Variants in TBATA observed in about 807,000 individuals in gnomAD.
TBATA encodes the protein thymus, brain and testes associated.
Under a neutral mutation model 38.7 loss-of-function variants are expected in TBATA, and 47 were observed. The observed-to-expected ratio is 1.21, with a 90% CI of 0.96 to 1.55. The LOEUF is 1.55. Ranked by LOEUF, TBATA falls within the 40% of genes most tolerant of loss-of-function variation. The pLI, the probability that TBATA is intolerant of heterozygous loss-of-function variation, is 0.00. For missense variants in TBATA, 436 were observed against 435.6 expected (o/e 1.00, Z -0.01); for synonymous variants, 183 against 170.5 (o/e 1.07, Z -0.57).
Position 70,771,263 on chromosome 10 carries a change from T to A in TBATA, c.*113A>T. On this transcript the variant is annotated 3_prime_UTR_variant, in exon 11 of 11. Transcript: ENST00000456372. ...TCTCAGGGAAGACGGTTTTATTTAG[T>A]AAGAGTTTTCACGGTAGGGAATCAG... The A allele has an allele frequency of 6.2e-7, 1 of 1,604,764 alleles. No homozygotes were observed. Among genetic ancestry groups the A allele is most frequent in the Non-Finnish European group, 8.5e-7 (1 of 1,174,092 alleles).
Position 70,774,373 on chromosome 10 carries a change from G to T in TBATA, c.776-16C>A. The T allele has an allele frequency of 6.4e-7, 1 of 1,572,590 alleles. No homozygotes were observed. The highest frequency in any genetic ancestry group is 8.6e-7 in the Non-Finnish European group (1 of 1,159,094). ...AGGTCTTTTTCTGAAAGCACAGCCCGGGGGCAGTGTCCTCAGCCCCCAGCC... is the reference window on the plus strand; with the variant it reads ...AGGTCTTTTTCTGAAAGCACAGCCCTGGGGCAGTGTCCTCAGCCCCCAGCC... On this transcript the variant is annotated splice_polypyrimidine_tract_variant and intron_variant, in intron 8 of 10. Transcript: ENST00000456372.
In TBATA at chr10:70,772,544, T is replaced by C. The variant is rs143899859; in HGVS notation, c.943A>G (p.Ile315Val). 3.3e-3 allele frequency: 5,382 copies of C among 1,614,146 alleles called. 13 individuals are homozygous for C. The highest frequency in any genetic ancestry group is 4.3e-3 in the Non-Finnish European group (5,023 of 1,180,016). The change falls in exon 10 of 11, where the codon ATA (isoleucine) becomes GTA (valine). Residue 315 changes from isoleucine (I) to valine (V), a missense_variant. Transcript: ENST00000456372. ...TTTTCGCTTTTTGTAAAAGGTGATA[T>C]CTTCGTTTTCTTCGGGGATTGACTG... ...PCSQSPKKTK[I>V]SPFTKSEKPE...
chr10:70,772,015 C>G (rs1282235794), intron 10 of TBATA, among the ~76,000 whole-genome samples: 1 of 152,156 alleles, frequency 6.6e-6, no homozygotes, highest in Non-Finnish European at 1.5e-5. Context: ...TACCACTGTC[C>G]CCCACCCAGA....
chr10:70,775,391 G>T, intron 7 of TBATA, 121 bp from the exon 8 acceptor site: 1 of 736,568 alleles, frequency 1.4e-6, no homozygotes, highest in Non-Finnish European at 2.4e-6. Context: ...GGCGCCTGCT[G>T]GGCTAAACGT....
chr10:70,776,274 C>A (rs749289445), intron 7 of TBATA: 169 of 451,984 alleles, frequency 3.7e-4, no homozygotes, highest in Non-Finnish European at 6.0e-4. Context: ...GCTGTGCTGA[C>A]CCACCCTGAC....
intron 10 of TBATA, 197 bp downstream of exon 10, chr10:70,772,317 G>T (rs766548275): frequency 3.1e-5 from 22 of 720,516 alleles, no homozygotes; most frequent in African/African-American, 8.7e-5. Flanking sequence ...CTTCCTCACT[G>T]ATCCCCAGAG....
At chr10:70,771,838 A>T (rs1842823011) in intron 10 of TBATA, among the ~76,000 whole-genome samples, 1 of 152,062 alleles carries the variant, frequency 6.6e-6, no homozygotes, top group Admixed American at 6.5e-5. Context: ...GGATGACTGC[A>T]GCAGCCTCTC....
rs138083815 is a variant in TBATA at position 70,777,109 on chromosome 10, T to C, written c.693+44A>G. The C allele has an allele frequency of 6.4e-4, 1,015 of 1,596,364 alleles. 9 individuals are homozygous for C. In the African/African-American group the frequency reaches 0.012, roughly 19 times the overall value. The stretch of plus-strand genomic sequence containing the variant: ...GCCCTAAAGCGGTTTGTAAGACCCC[T>C]AATGTGGAGAGCCAGGAGCCTGGGA... On this transcript the variant is annotated intron_variant, in intron 7 of 10. Transcript: ENST00000456372.
rs1207091916 is a variant in TBATA at position 70,775,872 on chromosome 10, C to G, written c.694-602G>C. Among the ~76,000 whole-genome samples, 4 of 152,346 alleles carry G rather than the reference C, an allele frequency of 2.6e-5. No homozygotes were observed. In the East Asian group the frequency reaches 7.7e-4, roughly 29 times the overall value. ...TCAGCACCGGCTCCCTCCTGCAGAG[C>G]TGTGGGCATGCTTGGCTCCTTGCTG... On this transcript the variant is annotated intron_variant, in intron 7 of 10. Transcript: ENST00000456372.
intron 6 of TBATA, chr10:70,777,816 G>C: frequency 2.2e-6 from 1 of 455,382 alleles, no homozygotes; most frequent in Non-Finnish European, 4.4e-6. Context: ...CTGGTGCCTG[G>C]GGCCTCCTGC....
At chr10:70,783,956 G>T (rs1332826358) in intron 2 of TBATA, among the ~76,000 whole-genome samples, 4 of 152,190 alleles carry the variant, frequency 2.6e-5, no homozygotes, top group African/African-American at 9.7e-5. Context: ...CAATACAATT[G>T]TTGTCATCCA....
intron 8 of TBATA, 45 bp downstream of exon 8, chr10:70,775,144 C>T: frequency 6.4e-7 from 1 of 1,568,078 alleles, no homozygotes; most frequent in Non-Finnish European, 8.8e-7. Flanking sequence ...AGGGCAGGAC[C>T]TTGGCAGCCT....
rs768147593 is a variant in TBATA at position 70,781,926 on chromosome 10, C to T, written c.152G>A (p.Arg51Gln). The T allele has an allele frequency of 2.6e-5, 42 of 1,614,104 alleles. No homozygotes were observed. Among genetic ancestry groups the T allele is most frequent in the East Asian group, 8.9e-5 (4 of 44,886 alleles). Residue 51 changes from arginine (R) to glutamine (Q), a missense_variant, in exon 4 of 11, where the codon CGG becomes CAG. Physicochemically the swap from Arg to Gln is conservative, Grantham distance 43. Coordinates refer to ENST00000456372, the MANE Select transcript of TBATA (RefSeq NM_001318241.2). Reference protein sequence around the residue: ...LVIPGIVDFERIRRALRTPKP... With the variant: ...LVIPGIVDFEQIRRALRTPKP... ...TGGGGTCCTCAATGCCCGGCGGATC[C>T]GCTCGAAATCCACAATCCCTGGGAT...
At chr10:70,772,938 A>G (rs1842936464) in intron 9 of TBATA, among the ~76,000 whole-genome samples, 1 of 152,164 alleles carries the variant, frequency 6.6e-6, no homozygotes. Context: ...AGTGGGCAAG[A>G]CAAGAACCCT....
intron 9 of TBATA, 118 bp downstream of exon 9, chr10:70,774,095 A>G (rs936754468): frequency 5.1e-6 from 7 of 1,374,204 alleles, no homozygotes; most frequent in Admixed American, 4.6e-5. Context: ...CTCTGCCTCC[A>G]GGACAGACTT....
chr10:70,781,997 G>A lies in TBATA; in HGVS notation c.81C>T (p.Arg27=). ...AELKLEKKSG[R]KPRSPRDSGP... ...CACTGTCCCTGGGGCTCCTTGGCTT[G>A]CGCCCTGACTTCTTCTCCAGTTTCA... The change falls in exon 4 of 11, where the codon CGC becomes CGT. Residue 27 remains arginine, a synonymous_variant. Coordinates refer to ENST00000456372, the MANE Select transcript of TBATA (RefSeq NM_001318241.2). 6.2e-7 allele frequency: 1 copy of A among 1,614,246 alleles called. No individual in the cohort carries two copies. The highest frequency in any genetic ancestry group is 8.5e-7 in the Non-Finnish European group (1 of 1,180,038).
Position 70,782,056 on chromosome 10 carries a change from G to C in TBATA, c.42-20C>G. On this transcript the variant is annotated intron_variant, in intron 3 of 10. Coordinates refer to ENST00000456372, the MANE Select transcript of TBATA (RefSeq NM_001318241.2). The stretch of plus-strand genomic sequence containing the variant: ...TTTGGACTGAAGGAGGGGGTTTCAG[G>C]AGAAGCTAATGGAGTCTCCTCTGGC... 2 of 1,612,956 alleles carry C rather than the reference G, an allele frequency of 1.2e-6. No individual in the cohort carries two copies. Among genetic ancestry groups the C allele is most frequent in the Non-Finnish European group, 1.7e-6 (2 of 1,179,362 alleles).
rs563293225 is a variant in TBATA, at chr10:70,784,993, T to C, written c.-273-220A>G. Among the ~76,000 whole-genome samples, 4 of 150,648 alleles carry C rather than the reference T, an allele frequency of 2.7e-5. No homozygotes were observed. The South Asian group carries it at 8.4e-4, about 32-fold the overall frequency. ...GTTTTTATTTCTTAAATGTTAGATA[T>C]GATCCATTTAAATTGATCTAATAAG... On this transcript the variant is annotated intron_variant, in intron 1 of 10. Coordinates refer to ENST00000456372, the MANE Select transcript of TBATA (RefSeq NM_001318241.2).
intron 2 of TBATA, among the ~76,000 whole-genome samples, chr10:70,783,798 A>G (rs1844556638): frequency 6.6e-6 from 1 of 152,236 alleles, no homozygotes; most frequent in African/African-American, 2.4e-5. Flanking sequence ...TACATGTAAC[A>G]ACATGGATGA....
Sources: gnomAD v4.1 joint callset for allele counts (sites outside exome capture counted in the v4.1 genomes callset) on GRCh38, gnomAD v4.1.1 for gene constraint, MANE v1.5 for transcripts, NCBI Gene and HGNC (gene_info 2026-07-23, HGNC 2026-07-21) for gene names.